ZNF638: variants seen among roughly 807,000 people sequenced by gnomAD.
The protein encoded by ZNF638 is CTCL tumor antigen se33-1.
A neutral mutation model predicts 195.6 loss-of-function variants in ZNF638; 46 were observed. That is an observed-to-expected ratio of 0.24 (90% CI 0.19 to 0.30). The LOEUF is 0.30. Among genes scored for constraint, ZNF638 ranks in the 10% least tolerant of loss-of-function variants. The pLI is 1.00. For missense variants in ZNF638, 2,440 were observed against 2,325.3 expected, an observed-to-expected ratio of 1.05 and a Z score of -1.01; for synonymous variants, 845 against 772.0, an observed-to-expected ratio of 1.09 and a Z score of -1.57.
intron 5 of ZNF638, 139 bp downstream of exon 5, chr2:71,364,391 G>GAT: frequency 2.2e-6 from 2 of 897,520 alleles, no homozygotes; most frequent in Non-Finnish European, 3.3e-6. Flanking sequence ...ATGCCACAGA[G>GAT]TTATTCCCTC....
intron 21 of ZNF638, among the ~76,000 whole-genome samples, chr2:71,419,667 T>G (rs570622114): frequency 6.6e-6 from 1 of 152,332 alleles, no homozygotes; most frequent in East Asian, 1.9e-4. Flanking sequence ...CAGTGTGTGA[T>G]GTGAAAGCTC....
At chr2:71,383,560 G>GTTTTTT (rs57987492) in intron 10 of ZNF638, among the ~76,000 whole-genome samples, 22 of 122,108 alleles carry the variant, frequency 1.8e-4, no homozygotes, top group African/African-American at 5.6e-4. Context: ...TTCCTGGGTG[G>GTTTTTT]TTTTTTTTTT....
At chr2:71,352,495 T>TAAAAAAAAA (rs58110916) in intron 2 of ZNF638, among the ~76,000 whole-genome samples, 7 of 134,622 alleles carry the variant, frequency 5.2e-5, no homozygotes, top group African/African-American at 8.2e-5. Flanking sequence ...ATAAAAAAAA[T>TAAAAAAAAA]AAAAAAAAAA....
chr2:71,407,663 C>G (rs2080132628), intron 19 of ZNF638: 1 of 152,448 alleles, frequency 6.6e-6, no homozygotes, highest in South Asian at 2.1e-4. Context: ...CTTTTGTCTC[C>G]TCAAACTGAA....
At chr2:71,357,647 A>G (rs1016709302) in intron 3 of ZNF638, among the ~76,000 whole-genome samples, 6 of 152,130 alleles carry the variant, frequency 3.9e-5, no homozygotes, top group Non-Finnish European at 5.9e-5. Flanking sequence ...ATATCTATTA[A>G]AGCCTTTAGT....
At chr2:71,340,277 A>G (rs527764062) in intron 1 of ZNF638, among the ~76,000 whole-genome samples, 15 of 152,366 alleles carry the variant, frequency 9.8e-5, no homozygotes, top group African/African-American at 3.4e-4. Flanking sequence ...AACGTGAAAC[A>G]TGGTACTCTC....
intron 17 of ZNF638, 75 bp from the exon 18 acceptor site, chr2:71,405,526 A>G: frequency 1.1e-6 from 1 of 919,216 alleles, no homozygotes; most frequent in Non-Finnish European, 1.7e-6. Context: ...TTGTCATGTT[A>G]TAAATCTTAA....
At position 71,380,216 on chromosome 2, in the gene ZNF638, ACGT is replaced by A; in HGVS notation, c.2266-5_2266-3del. ...TTCTTTTGTTCAAAATATTTTTCCT[ACGT>A]AGAACAAAGAGGTGAAGAAAAAGAC... On this transcript the variant is annotated splice_region_variant and splice_polypyrimidine_tract_variant and intron_variant, in intron 8 of 27. Transcript: ENST00000264447. 6.6e-7 allele frequency: 1 copy of A among 1,522,292 alleles called. No individual in the cohort carries two copies. Among genetic ancestry groups the A allele is most frequent in the Non-Finnish European group, 8.8e-7 (1 of 1,136,304 alleles). 94.3% of individuals were successfully genotyped at this position (1,522,292 alleles called of 1,614,324 possible).
Position 71,426,552 on chromosome 2 carries a change from A to G in ZNF638, c.4683A>G (p.Leu1561=). 6.2e-7 allele frequency: 1 copy of G among 1,614,102 alleles called. No homozygotes were observed. Among genetic ancestry groups the G allele is most frequent in the Non-Finnish European group, 8.5e-7 (1 of 1,180,006 alleles). ...VNPSQAKQNP[L]KGKRKETLKN... ...CTTCTCAGGCCAAGCAGAATCCACT[A>G]AAGGGAAAAAGGAAAGAAACTCTCA... Residue 1561 remains leucine (L), a synonymous_variant, in exon 24 of 28, where the codon CTA becomes CTG. Coordinates refer to ENST00000264447, the MANE Select transcript of ZNF638 (RefSeq NM_014497.5).
At chr2:71,400,380 T>TA in intron 14 of ZNF638, 98 bp from the exon 15 acceptor site, 1 of 1,222,868 alleles carries the variant, frequency 8.2e-7, no homozygotes, top group African/African-American at 1.5e-5. Flanking sequence ...ACTTGTTGTA[T>TA]TACACGTTTT....
intron 10 of ZNF638, among the ~76,000 whole-genome samples, chr2:71,383,383 A>G (rs1477465051): frequency 6.6e-6 from 1 of 152,212 alleles, no homozygotes. Flanking sequence ...TCAGGGCCAC[A>G]TGGAGGAGTT....
intron 21 of ZNF638, among the ~76,000 whole-genome samples, chr2:71,420,693 G>T (rs868434610): frequency 1.3e-5 from 2 of 152,296 alleles, no homozygotes; most frequent in Non-Finnish European, 2.9e-5. Context: ...TTCCCAGAAT[G>T]TGGCTGTTTT....
At chr2:71,385,969 G>GTA (rs2079629338) in intron 10 of ZNF638, among the ~76,000 whole-genome samples, 1 of 152,068 alleles carries the variant, frequency 6.6e-6, no homozygotes. Context: ...CGTATTGGAA[G>GTA]TATAAAGATG....
At chr2:71,366,316 C>G (rs1456572991) in intron 6 of ZNF638, among the ~76,000 whole-genome samples, 1 of 151,036 alleles carries the variant, frequency 6.6e-6, no homozygotes, top group Non-Finnish European at 1.5e-5. Flanking sequence ...GCTGAGGTCA[C>G]ACCACTGCAC....
chr2:71,427,434 AGTCTT>A lies in ZNF638; in HGVS notation c.5545+21_5545+25del. On this transcript the variant is annotated intron_variant, in intron 24 of 27. Coordinates refer to ENST00000264447, the MANE Select transcript of ZNF638 (RefSeq NM_014497.5). ...TAACAGGTAGATACTTGGAAGGGGT[AGTCTT>A]TCTGTTTTATGAGGGGATTACATTT... 1 of 1,498,454 alleles carries A rather than the reference AGTCTT, an allele frequency of 6.7e-7. No individual in the cohort carries two copies. Among genetic ancestry groups the A allele is most frequent in the Non-Finnish European group, 8.9e-7 (1 of 1,124,928 alleles). The allele number at this position is 1,498,454 out of a possible 1,614,324, so 92.8% of individuals were successfully genotyped here. A position where few individuals can be genotyped will look rare whatever the true frequency, so the allele number is the denominator to read the frequency against.
Position 71,380,066 on chromosome 2 carries a change from G to GGCT in ZNF638, c.2266-154_2266-152dup, listed in dbSNP as rs573104788. ...TTGTGAAAGATGAGATGTAAAATTA[G>GGCT]GCTGTGTAATCACAAATTGAAAAAA... On this transcript the variant is annotated intron_variant, in intron 8 of 27. Coordinates refer to ENST00000264447, the MANE Select transcript of ZNF638 (RefSeq NM_014497.5). 5.5e-4 allele frequency: 253 copies of GGCT among 456,964 alleles called. 3 individuals carry two copies. In the East Asian group the frequency reaches 8.3e-3, roughly 15 times the overall value. The allele number at this position is 456,964 out of a possible 1,614,324, so 28.3% of individuals were successfully genotyped here.
intron 3 of ZNF638, 87 bp from the exon 4 acceptor site, chr2:71,363,066 G>T: frequency 1.1e-6 from 1 of 942,114 alleles, no homozygotes; most frequent in Non-Finnish European, 1.7e-6. Flanking sequence ...GTTGTGAAAA[G>T]TCCTTTTGAT....
At chr2:71,369,402 GC>G (rs942910608) in intron 7 of ZNF638, among the ~76,000 whole-genome samples, 1 of 151,992 alleles carries the variant, frequency 6.6e-6, no homozygotes, top group African/African-American at 2.4e-5. Context: ...ACTTTGGGAG[GC>G]CAAGGCTGGA....
intron 6 of ZNF638, 148 bp downstream of exon 6, chr2:71,365,854 G>C: frequency 1.3e-6 from 1 of 790,956 alleles, no homozygotes; most frequent in Non-Finnish European, 2.0e-6. Context: ...CAAGTAGCTG[G>C]CACCACAGGC....
Sources: allele counts gnomAD v4.1 joint callset (sites outside exome capture counted in the v4.1 genomes callset), GRCh38; gene constraint gnomAD v4.1.1; transcripts MANE v1.5; gene names NCBI Gene and HGNC (gene_info 2026-07-23, HGNC 2026-07-21).